The following RIPOR3 variants were observed in gnomAD, a reference collection of about 807,000 sequenced individuals.
RIPOR3 encodes family with sequence similarity 65 member C.
RIPOR3 carries 95 observed loss-of-function variants against 114.3 expected under a neutral mutation model. The observed-to-expected ratio is 0.83, with a 90% confidence interval of 0.70 to 0.99. RIPOR3 has a LOEUF of 0.99. RIPOR3 is among the 50% of genes least tolerant of loss of function. The pLI is 0.00. For synonymous variants in RIPOR3, 575 were observed against 543.8 expected (o/e 1.06, Z -0.80); for missense variants, 1,252 against 1,266.9 (o/e 0.99, Z 0.18).
chr20:50,657,965 A>G (rs2085870136), intron 1 of RIPOR3, among the ~76,000 whole-genome samples: 2 of 151,610 alleles, frequency 1.3e-5, no homozygotes, highest in Non-Finnish European at 2.9e-5. Context: ...GGGCCTCGGT[A>G]TATTGCCCAG....
chr20:50,603,905 G>C (rs927116460), intron 12 of RIPOR3, among the ~76,000 whole-genome samples: 3 of 152,222 alleles, frequency 2.0e-5, no homozygotes, highest in Admixed American at 1.3e-4. Flanking sequence ...GAGAGGGCTG[G>C]GCACGGTGGC....
chr20:50,628,112 GT>G (rs2084687578), intron 2 of RIPOR3, among the ~76,000 whole-genome samples: 1 of 152,236 alleles, frequency 6.6e-6, no homozygotes, highest in Non-Finnish European at 1.5e-5. Context: ...AAATGGTTAA[GT>G]TGAGAAACAG....
intron 1 of RIPOR3, among the ~76,000 whole-genome samples, chr20:50,677,340 C>T (rs1424659218): frequency 2.0e-5 from 3 of 149,888 alleles, no homozygotes; most frequent in Non-Finnish European, 4.4e-5. Context: ...AATTTGTTAC[C>T]ATTATTATTA....
At chr20:50,605,328 G>A (rs935484995) in intron 11 of RIPOR3, among the ~76,000 whole-genome samples, 6 of 152,098 alleles carry the variant, frequency 3.9e-5, no homozygotes, top group African/African-American at 1.4e-4. Flanking sequence ...GGAAGGCTCT[G>A]AGAGATGAGT....
intron 1 of RIPOR3, among the ~76,000 whole-genome samples, chr20:50,668,856 C>CA (rs771469226): frequency 1.6e-3 from 209 of 131,076 alleles, no homozygotes; most frequent in Admixed American, 2.9e-3. Context: ...GACTCCATCT[C>CA]AAAAAAAAAA....
At chr20:50,661,203 A>G (rs1429844725) in intron 1 of RIPOR3, among the ~76,000 whole-genome samples, 1 of 151,916 alleles carries the variant, frequency 6.6e-6, no homozygotes, top group Non-Finnish European at 1.5e-5. Context: ...ACGCCACTGC[A>G]CTCCAGCCTG....
At chr20:50,631,266 C>T (rs975494511) in intron 1 of RIPOR3, among the ~76,000 whole-genome samples, 3 of 152,198 alleles carry the variant, frequency 2.0e-5, no homozygotes, top group Non-Finnish European at 4.4e-5. Context: ...CTCAAGGGCT[C>T]CAGCCCAGCA....
At chr20:50,641,358 G>GT (rs1175680854) in intron 1 of RIPOR3, among the ~76,000 whole-genome samples, 2 of 152,172 alleles carry the variant, frequency 1.3e-5, no homozygotes, top group Non-Finnish European at 2.9e-5. Context: ...GGGACTACAG[G>GT]TATGTGCCAC....
chr20:50,592,506 C>T lies in RIPOR3; in HGVS notation c.2415G>A (p.Lys805=), dbSNP rs760219613. The change falls in exon 19 of 22, where the codon AAG becomes AAA. Residue 805 remains lysine (K), a synonymous_variant. Transcript: ENST00000327979. ...IEELHCAGQA[K]VVRKLQGKRL... ...GCTTCCCCTGCAGCTTCCGGACCAC[C>T]TTGGCCTGTCCCGCACAGTGAAGCT... is the stretch of plus-strand genomic sequence containing the variant. 1.2e-6 allele frequency: 2 copies of T among 1,609,224 alleles called. No homozygotes were observed. The highest frequency in any genetic ancestry group is 1.3e-5 in the African/African-American group (1 of 74,974).
rs993818725 is a variant in RIPOR3, at chr20:50,586,239, A to G, written c.*993T>C. 2 of 154,152 alleles carry G rather than the reference A, an allele frequency of 1.3e-5. No homozygotes were observed. The highest frequency in any genetic ancestry group is 2.9e-5 in the Non-Finnish European group (2 of 69,212). 9.5% of individuals were successfully genotyped at this position (154,152 alleles called of 1,614,324 possible). A position where few individuals can be genotyped will look rare whatever the true frequency, so the allele number is the denominator to read the frequency against. On this transcript the variant is annotated 3_prime_UTR_variant, in exon 22 of 22. Transcript: ENST00000327979. ...CAGGAAGTATCGATGAGAATGTTCA[A>G]GTTAAAGTTCTCCAATGCCATTGCT...
At chr20:50,603,579 T>A (rs1049932131) in intron 12 of RIPOR3, among the ~76,000 whole-genome samples, 1 of 152,196 alleles carries the variant, frequency 6.6e-6, no homozygotes, top group African/African-American at 2.4e-5. Flanking sequence ...ATGAAGGGCC[T>A]GACAAACACA....
chr20:50,593,352 C>A (rs1307796353), intron 17 of RIPOR3, among the ~76,000 whole-genome samples, 156 bp from the exon 18 acceptor site: 1 of 152,222 alleles, frequency 6.6e-6, no homozygotes, highest in African/African-American at 2.4e-5. Context: ...GTGGGCAGAT[C>A]ACCTGAGGTC....
Position 50,662,785 on chromosome 20 carries a change from G to T in RIPOR3, c.3+28341C>A, listed in dbSNP as rs181527211. 3.4e-3 allele frequency among the ~76,000 whole-genome samples: 519 copies of T among 152,310 alleles called. 9 individuals are homozygous for T. The highest frequency in any genetic ancestry group is 0.012 in the African/African-American group (495 of 41,584). On this transcript the variant is annotated intron_variant, in intron 1 of 21. Transcript: ENST00000327979. ...CCTCAGCTTTCTCACCTGTACAATGGGAGTTTGTGCTAGACAAGAAGTTTT... is the reference window on the plus strand; with the variant it reads ...CCTCAGCTTTCTCACCTGTACAATGTGAGTTTGTGCTAGACAAGAAGTTTT...
In RIPOR3 at chr20:50,593,210, A is replaced by G. The variant is rs751511238; in HGVS notation, c.2213-14T>C. The stretch of plus-strand genomic sequence containing the variant: ...GCCTGCGGCACGCTGGCCAAAGGGG[A>G]GAGTACATCAGGAGAAACTGAGACC... On this transcript the variant is annotated splice_polypyrimidine_tract_variant and intron_variant, in intron 17 of 21. Coordinates refer to ENST00000327979, the MANE Select transcript of RIPOR3 (RefSeq NM_001290268.2). 4 of 1,608,400 alleles carry G rather than the reference A, an allele frequency of 2.5e-6. No homozygotes were observed. The highest frequency in any genetic ancestry group is 3.3e-5 in the Admixed American group (2 of 59,888).
intron 1 of RIPOR3, 29 bp from the exon 2 acceptor site, chr20:50,630,885 T>G: frequency 6.4e-7 from 1 of 1,552,678 alleles, no homozygotes; most frequent in Admixed American, 1.9e-5. Flanking sequence ...AGAGTCAGCC[T>G]GGCATCACCA....
At chr20:50,688,877 G>C (rs2087114134) in intron 1 of RIPOR3, among the ~76,000 whole-genome samples, 1 of 152,180 alleles carries the variant, frequency 6.6e-6, no homozygotes, top group African/African-American at 2.4e-5. Flanking sequence ...GGATGAACTG[G>C]GGGACCCTGG....
chr20:50,681,726 A>T (rs2086868745), intron 1 of RIPOR3, among the ~76,000 whole-genome samples: 1 of 152,204 alleles, frequency 6.6e-6, no homozygotes, highest in Admixed American at 6.5e-5. Flanking sequence ...ACGCGTTGAG[A>T]ACCAGACCAA....
intron 1 of RIPOR3, among the ~76,000 whole-genome samples, chr20:50,675,453 A>T (rs2086649526): frequency 6.6e-6 from 1 of 152,250 alleles, no homozygotes; most frequent in Non-Finnish European, 1.5e-5. Context: ...AGAGTGATCA[A>T]GACTCAGAGA....
At chr20:50,595,705 C>T (rs2083264823) in intron 15 of RIPOR3, among the ~76,000 whole-genome samples, 1 of 152,012 alleles carries the variant, frequency 6.6e-6, no homozygotes, top group South Asian at 2.1e-4. Context: ...ACCTTTGCCC[C>T]CAGAAGGAGG....
Sources: gnomAD v4.1 joint callset for allele counts (sites outside exome capture counted in the v4.1 genomes callset) on GRCh38, gnomAD v4.1.1 for gene constraint, MANE v1.5 for transcripts, NCBI Gene and HGNC (gene_info 2026-07-23, HGNC 2026-07-21) for gene names.